The following GASK1A variants were observed in gnomAD, a reference collection of about 807,000 sequenced individuals.
The protein encoded by GASK1A is Golgi-associated kinase 1A.
Under a neutral mutation model 41.2 loss-of-function variants are expected in GASK1A, and 40 were observed. The observed-to-expected ratio is 0.97, with a 90% CI of 0.75 to 1.27. The LOEUF is 1.27. Among genes scored for constraint, GASK1A ranks in the 50% most tolerant of loss-of-function variants. The pLI is 0.00. For missense variants in GASK1A, 678 were observed against 745.1 expected, an observed-to-expected ratio of 0.91 and a Z score of 1.05; for synonymous variants, 316 against 307.1, an observed-to-expected ratio of 1.03 and a Z score of -0.30.
intron 1 of GASK1A, 110 bp downstream of exon 1, chr3:42,979,755 C>G (rs1030018523): frequency 9.9e-6 from 11 of 1,113,782 alleles, no homozygotes; most frequent in African/African-American, 1.6e-5. Context: ...CGCGGCCTCC[C>G]GAGGCCGGAG....
At chr3:43,015,483 G>A (rs2089486010) in intron 1 of GASK1A, among the ~76,000 whole-genome samples, 2 of 151,594 alleles carry the variant, frequency 1.3e-5, no homozygotes, top group Admixed American at 6.6e-5. Flanking sequence ...AAGGGGCAGT[G>A]TGAAGCCACA....
chr3:43,011,148 C>T (rs55701670), intron 1 of GASK1A, among the ~76,000 whole-genome samples: 55,842 of 151,892 alleles, frequency 0.37, 10,908 homozygotes, highest in Non-Finnish European at 0.44. Flanking sequence ...CTTTGGGAGG[C>T]CGAGGTGGGC....
At chr3:43,016,850 C>G (rs1156534623) in intron 1 of GASK1A, among the ~76,000 whole-genome samples, 1 of 146,102 alleles carries the variant, frequency 6.8e-6, no homozygotes, top group African/African-American at 2.6e-5. Flanking sequence ...CTATGTGAAG[C>G]CACAGGAATG....
chr3:43,048,834 CA>C (rs1317481570), intron 2 of GASK1A, among the ~76,000 whole-genome samples: 1 of 152,138 alleles, frequency 6.6e-6, no homozygotes, highest in Non-Finnish European at 1.5e-5. Context: ...TGGAGAGCAT[CA>C]AAAGCATCTA....
intron 1 of GASK1A, among the ~76,000 whole-genome samples, chr3:42,999,438 G>T (rs1229866745): frequency 6.6e-6 from 1 of 152,202 alleles, no homozygotes; most frequent in Admixed American, 6.5e-5. Flanking sequence ...CCTCCCTGCT[G>T]TTTCTCCCAG....
Position 43,033,385 on chromosome 3 carries a change from T to C in GASK1A, c.1122T>C (p.Asp374=), listed in dbSNP as rs1210584425. The change falls in exon 2 of 5, where the codon GAT becomes GAC. Residue 374 remains aspartate (D), a synonymous_variant. Transcript: ENST00000430121. ...GGCCTGTCATCTGGTGGGCACCCGA[T>C]GTGCAGCACCTGAGCGACCCAGATG... ...GARPVIWWAP[D]VQHLSDPDED... is the part of the protein sequence containing the mutation. 8 of 1,551,488 alleles carry C rather than the reference T, an allele frequency of 5.2e-6. No homozygotes were observed. Among genetic ancestry groups the C allele is most frequent in the Admixed American group, 3.9e-5 (2 of 50,992 alleles).
At chr3:43,019,516 G>C (rs992601612) in intron 1 of GASK1A, among the ~76,000 whole-genome samples, 5 of 152,168 alleles carry the variant, frequency 3.3e-5, no homozygotes, top group African/African-American at 1.2e-4. Flanking sequence ...CCAGCCCTCT[G>C]AAAAAGTCTG....
At chr3:42,980,271 T>C (rs2089276056) in intron 1 of GASK1A, among the ~76,000 whole-genome samples, 1 of 152,072 alleles carries the variant, frequency 6.6e-6, no homozygotes, top group Non-Finnish European at 1.5e-5. Flanking sequence ...GCCCTTCCAT[T>C]GATCAACTTC....
At chr3:43,051,989 G>T in intron 2 of GASK1A, among the ~76,000 whole-genome samples, 1 of 152,098 alleles carries the variant, frequency 6.6e-6, no homozygotes, top group Admixed American at 6.5e-5. Flanking sequence ...GCTCTTTTAG[G>T]AACTTAGTAC....
chr3:42,987,561 T>G (rs2125672786), intron 1 of GASK1A, among the ~76,000 whole-genome samples: 1 of 151,654 alleles, frequency 6.6e-6, no homozygotes, highest in Middle Eastern at 3.4e-3. Context: ...AGAAGTAACT[T>G]AACAATGATA....
rs765521648 is a variant in GASK1A at position 43,053,712 on chromosome 3, T to C, written c.1413+69T>C. 20 of 1,519,656 alleles carry C rather than the reference T, an allele frequency of 1.3e-5. No homozygotes were observed. In the South Asian group the frequency reaches 1.7e-4, roughly 13 times the overall value. 94.1% of individuals were successfully genotyped at this position (1,519,656 alleles called of 1,614,324 possible). On this transcript the variant is annotated intron_variant, in intron 3 of 4. Transcript: ENST00000430121. ...TCTTTCTGTGTCCTTCAGAAGATGC[T>C]GTTAACAAGTTTCAGAGATCAGTTG...
chr3:43,034,950 AAGTCTGTTTCC>A, intron 2 of GASK1A, among the ~76,000 whole-genome samples: 1 of 152,214 alleles, frequency 6.6e-6, no homozygotes, highest in Middle Eastern at 3.4e-3. Flanking sequence ...GCCTGCAGAT[AAGTCTGTTTCC>A]AGTCACGGGA....
chr3:43,052,698 G>A (rs2089697107), intron 2 of GASK1A, among the ~76,000 whole-genome samples: 1 of 151,994 alleles, frequency 6.6e-6, no homozygotes, highest in African/African-American at 2.4e-5. Flanking sequence ...TCTCCCCACA[G>A]CAAGCCCTCC....
At chr3:43,023,380 G>A (rs1012197947) in intron 1 of GASK1A, among the ~76,000 whole-genome samples, 2 of 152,218 alleles carry the variant, frequency 1.3e-5, no homozygotes, top group East Asian at 3.8e-4. Context: ...CTGGCCTCCA[G>A]AACTGTGAGG....
At chr3:43,034,416 T>C (rs530077178) in intron 2 of GASK1A, among the ~76,000 whole-genome samples, 10 of 152,204 alleles carry the variant, frequency 6.6e-5, no homozygotes, top group Non-Finnish European at 1.2e-4. Flanking sequence ...ATTTACTAAC[T>C]TGTCTGTTAA....
chr3:42,980,039 T>G (rs1278468377), intron 1 of GASK1A, among the ~76,000 whole-genome samples: 1 of 152,224 alleles, frequency 6.6e-6, no homozygotes, highest in Non-Finnish European at 1.5e-5. Flanking sequence ...AAAGTTCATG[T>G]GAATTTTATA....
chr3:42,991,884 C>A (rs2089342715), intron 1 of GASK1A, among the ~76,000 whole-genome samples: 1 of 152,164 alleles, frequency 6.6e-6, no homozygotes, highest in African/African-American at 2.4e-5. Context: ...GGCAGGGTTG[C>A]TTCCTGGATA....
At chr3:42,986,466 A>G (rs2089311279) in intron 1 of GASK1A, among the ~76,000 whole-genome samples, 1 of 152,232 alleles carries the variant, frequency 6.6e-6, no homozygotes, top group Non-Finnish European at 1.5e-5. Context: ...GGTTTACTGT[A>G]TGTAAATTAA....
intron 2 of GASK1A, among the ~76,000 whole-genome samples, chr3:43,035,045 A>G (rs1265361957): frequency 3.3e-5 from 5 of 152,208 alleles, no homozygotes; most frequent in Non-Finnish European, 7.3e-5. Context: ...AGGAGGAGCT[A>G]TGGACCCTGA....
Sources: allele counts gnomAD v4.1 joint callset (sites outside exome capture counted in the v4.1 genomes callset), GRCh38; gene constraint gnomAD v4.1.1; transcripts MANE v1.5; gene names NCBI Gene and HGNC (gene_info 2026-07-23, HGNC 2026-07-21).